GPC5: variants seen among roughly 807,000 people sequenced by gnomAD.
GPC5 encodes glypican 5, also known as glypican-5.
Under a neutral mutation model 53.9 loss-of-function variants are expected in GPC5, and 47 were observed. The ratio of observed to expected loss-of-function variants is 0.87; its 90% CI spans 0.69 to 1.11. The LOEUF (loss-of-function observed/expected upper bound fraction) is 1.11. Ranked by LOEUF, GPC5 falls within the 50% of genes most tolerant of loss-of-function variation. The probability of loss-of-function intolerance (pLI) is 0.00; values close to 1 mark genes in which losing one functional copy is unlikely to be tolerated. For synonymous variants in GPC5, 286 were observed against 263.3 expected (o/e 1.09, Z -0.84); for missense variants, 748 against 713.1 (o/e 1.05, Z -0.56).
At chr13:91,896,936 T>G (rs990727082) in intron 5 of GPC5, among the ~76,000 whole-genome samples, 2 of 152,176 alleles carry the variant, frequency 1.3e-5, no homozygotes, top group African/African-American at 4.8e-5. Context: ...TGAGGACTGC[T>G]TGATAGTAGG....
Position 91,999,765 on chromosome 13 carries a change from G to T in GPC5, c.1401+91708G>T, listed in dbSNP as rs368792650. Among the ~76,000 whole-genome samples, 591 of 152,190 alleles carry T rather than the reference G, an allele frequency of 3.9e-3. 4 individuals carry two copies. The highest frequency in any genetic ancestry group is 0.013 in the African/African-American group (537 of 41,518). On this transcript the variant is annotated intron_variant, in intron 6 of 7. Coordinates refer to ENST00000377067, the MANE Select transcript of GPC5 (RefSeq NM_004466.6). ...TATTTTAATTTTATTTTACATCTAT[G>T]TATCAATGAAAATCCTAGAACCAAA... is the stretch of plus-strand genomic sequence containing the variant.
chr13:92,377,107 A>G (rs1191015336), intron 7 of GPC5, among the ~76,000 whole-genome samples: 1 of 152,186 alleles, frequency 6.6e-6, no homozygotes, highest in African/African-American at 2.4e-5. Flanking sequence ...TAGTTCCTGA[A>G]TCAATGCCAC....
chr13:92,305,017 A>C (rs9589496), intron 7 of GPC5, among the ~76,000 whole-genome samples: 29,655 of 152,124 alleles, frequency 0.19, 3,017 homozygotes, highest in South Asian at 0.35. Context: ...GACCCATTAA[A>C]GTAAATAGAA....
intron 2 of GPC5, among the ~76,000 whole-genome samples, chr13:91,566,620 A>G (rs2031542942): frequency 6.6e-6 from 1 of 152,146 alleles, no homozygotes; most frequent in African/African-American, 2.4e-5. Context: ...GAGTAGTTGA[A>G]TGGCTAGTAT....
chr13:91,855,768 G>A (rs891071396), intron 5 of GPC5, among the ~76,000 whole-genome samples: 16 of 151,308 alleles, frequency 1.1e-4, no homozygotes, highest in African/African-American at 3.9e-4. Context: ...TAAATATTAT[G>A]CTTTTCTTGA....
At chr13:92,860,200 G>T (rs1373569835) in intron 7 of GPC5, among the ~76,000 whole-genome samples, 1 of 152,032 alleles carries the variant, frequency 6.6e-6, no homozygotes, top group Admixed American at 6.6e-5. Flanking sequence ...AAAAAGGAAG[G>T]CTACTATTGC....
chr13:92,377,145 G>A (rs929534590), intron 7 of GPC5, among the ~76,000 whole-genome samples: 2 of 152,162 alleles, frequency 1.3e-5, no homozygotes, highest in African/African-American at 4.8e-5. Flanking sequence ...GGCCTCCAAA[G>A]GGAATGAATC....
At chr13:91,661,658 G>T (rs2034991341) in intron 2 of GPC5, among the ~76,000 whole-genome samples, 2 of 152,146 alleles carry the variant, frequency 1.3e-5, no homozygotes, top group African/African-American at 4.8e-5. Flanking sequence ...GGTGACATTG[G>T]CACAGAGAAT....
chr13:92,065,973 G>C (rs1348070267), intron 6 of GPC5, among the ~76,000 whole-genome samples: 1 of 152,062 alleles, frequency 6.6e-6, no homozygotes, highest in Non-Finnish European at 1.5e-5. Context: ...ATATTCAACT[G>C]TTGAAAAGAT....
rs146860048 is a variant in GPC5 at position 91,976,802 on chromosome 13, G to A, written c.1401+68745G>A. Among the ~76,000 whole-genome samples the A allele has an allele frequency of 1.2e-3, 179 of 152,258 alleles. 1 individual carries two copies. The East Asian group carries it at 0.031, about 26-fold the overall frequency. On this transcript the variant is annotated intron_variant, in intron 6 of 7. Coordinates refer to ENST00000377067, the MANE Select transcript of GPC5 (RefSeq NM_004466.6). ...CGCCTGTAATCCCAGCACTTTGGGA[G>A]GCTGTGGCAGGCGAAACACTTGAGG...
At chr13:92,315,889 G>A (rs950171886) in intron 7 of GPC5, among the ~76,000 whole-genome samples, 1 of 152,140 alleles carries the variant, frequency 6.6e-6, no homozygotes, top group East Asian at 1.9e-4. Context: ...TGAAGATATT[G>A]AAAAAGACTT....
chr13:92,655,326 TTTATTTTATTTTTATTTTA>T (rs1466988756), intron 7 of GPC5, among the ~76,000 whole-genome samples: 17 of 136,528 alleles, frequency 1.2e-4, no homozygotes, highest in East Asian at 5.9e-4. Flanking sequence ...TATTTATTTA[TTTATTTTATTTTTATTTTA>T]TTTTTTGAGA....
At chr13:92,013,171 T>C (rs992380525) in intron 6 of GPC5, among the ~76,000 whole-genome samples, 4 of 152,174 alleles carry the variant, frequency 2.6e-5, no homozygotes, top group African/African-American at 9.7e-5. Flanking sequence ...TACCTGCAAT[T>C]GGTGGCTCCC....
intron 7 of GPC5, among the ~76,000 whole-genome samples, chr13:92,282,982 CT>C (rs1278757294): frequency 6.6e-6 from 1 of 152,164 alleles, no homozygotes; most frequent in Non-Finnish European, 1.5e-5. Context: ...CATCAGTGTG[CT>C]GTATTCAGGA....
chr13:92,123,580 T>G (rs2082030167), intron 6 of GPC5, among the ~76,000 whole-genome samples: 1 of 152,176 alleles, frequency 6.6e-6, no homozygotes, highest in South Asian at 2.1e-4. Flanking sequence ...TACCTTTTTT[T>G]GGAAAGCAGC....
intron 7 of GPC5, among the ~76,000 whole-genome samples, chr13:92,658,442 C>G (rs547496397): frequency 6.6e-6 from 1 of 152,216 alleles, no homozygotes; most frequent in South Asian, 2.1e-4. Context: ...ACATGTATAC[C>G]CTTTTAAAGC....
intron 7 of GPC5, among the ~76,000 whole-genome samples, chr13:92,353,176 C>T (rs2043493837): frequency 6.9e-6 from 1 of 145,784 alleles, no homozygotes; most frequent in Admixed American, 7.1e-5. Context: ...AGAAGAATGG[C>T]GTGAACCCGG....
intron 6 of GPC5, among the ~76,000 whole-genome samples, chr13:92,078,588 G>A (rs1360982749): frequency 6.6e-6 from 1 of 152,066 alleles, no homozygotes; most frequent in Non-Finnish European, 1.5e-5. Context: ...TTCTTAAAGT[G>A]CTCTGTCATT....
At chr13:92,734,037 G>C (rs1888875442) in intron 7 of GPC5, among the ~76,000 whole-genome samples, 1 of 151,668 alleles carries the variant, frequency 6.6e-6, no homozygotes, top group African/African-American at 2.4e-5. Flanking sequence ...TGAACTAATT[G>C]CTTTTCTCTC....
Sources: gnomAD v4.1 joint callset for allele counts (sites outside exome capture counted in the v4.1 genomes callset) on GRCh38, gnomAD v4.1.1 for gene constraint, MANE v1.5 for transcripts, NCBI Gene and HGNC (gene_info 2026-07-23, HGNC 2026-07-21) for gene names.